Variants in FOXK1 observed in about 807,000 individuals in gnomAD.
The protein encoded by FOXK1 is forkhead box protein K1.
Under a neutral mutation model 51.9 loss-of-function variants are expected in FOXK1, and 19 were observed. The observed-to-expected ratio is 0.37, with a 90% CI of 0.26 to 0.54. The LOEUF (loss-of-function observed/expected upper bound fraction) is 0.54, where lower values mean the gene tolerates loss of function less well. Among genes scored for constraint, FOXK1 ranks in the 20% least tolerant of loss-of-function variants. FOXK1 has a pLI of 0.87. For synonymous variants in FOXK1, 537 were observed against 482.6 expected (o/e 1.11, Z -1.48); for missense variants, 870 against 1,032.7 (o/e 0.84, Z 2.16).
At position 4,715,204 on chromosome 7, in the gene FOXK1, G is replaced by A. The variant is rs1780219389; in HGVS notation, c.561-25634G>A. Among the ~76,000 whole-genome samples the A allele has an allele frequency of 6.6e-6, 1 of 152,108 alleles. No individual in the cohort carries two copies. Among genetic ancestry groups the A allele is most frequent in the Non-Finnish European group, 1.5e-5 (1 of 68,028 alleles). On this transcript the variant is annotated intron_variant, in intron 1 of 8. Transcript: ENST00000328914. This position sits in a 1 kb window ranked among gnomAD's most constrained non-coding sequence, Gnocchi z 4.5. ...GGGCACGGTGGAACTGTGGCGATACGGGGCACGGTGGAACTGTGATGATAT... is the reference window on the plus strand; with the variant it reads ...GGGCACGGTGGAACTGTGGCGATACAGGGCACGGTGGAACTGTGATGATAT...
At chr7:4,718,276 C>T (rs180739317) in intron 1 of FOXK1, among the ~76,000 whole-genome samples, 1 of 152,350 alleles carries the variant, frequency 6.6e-6, no homozygotes. Flanking sequence ...TCGGTCACCA[C>T]GCAGAGCCAT....
At chr7:4,725,080 G>A (rs1197267159) in intron 1 of FOXK1, among the ~76,000 whole-genome samples, 7 of 152,220 alleles carry the variant, frequency 4.6e-5, no homozygotes, top group Non-Finnish European at 8.8e-5. Flanking sequence ...CGGTGCACCC[G>A]CCACCCACAG....
rs1780854103 is a variant in FOXK1 at position 4,756,472 on chromosome 7, G to GT, written c.1051-519dup. 6.7e-6 allele frequency among the ~76,000 whole-genome samples: 1 copy of GT among 150,324 alleles called. No individual in the cohort carries two copies. The highest frequency in any genetic ancestry group is 6.6e-5 in the Admixed American group (1 of 15,078). ...CTCCTAGACCAGGATCTGTCTTTCT[G>GT]TTTCACTTTTTCTGTAAAGAATGGT... On this transcript the variant is annotated intron_variant, in intron 4 of 8. Transcript: ENST00000328914. This position sits in a 1 kb window ranked among gnomAD's most constrained non-coding sequence, Gnocchi z 4.1.
chr7:4,744,084 G>A lies in FOXK1; in HGVS notation c.746+3061G>A, dbSNP rs141448086. Reference sequence around the variant, plus strand: ...AGTAGAGATGGGGTTTCACCGTATTGAAAGAAAGAAAAATGTTTTGGTTTG... The same window carrying A: ...AGTAGAGATGGGGTTTCACCGTATTAAAAGAAAGAAAAATGTTTTGGTTTG... On this transcript the variant is annotated intron_variant, in intron 2 of 8. Coordinates refer to ENST00000328914, the MANE Select transcript of FOXK1 (RefSeq NM_001037165.2). Among the ~76,000 whole-genome samples, 219 of 152,076 alleles carry A rather than the reference G, an allele frequency of 1.4e-3. 1 individual carries two copies. The highest frequency in any genetic ancestry group is 5.2e-3 in the African/African-American group (216 of 41,462).
In FOXK1 at chr7:4,758,876, T is replaced by G; in HGVS notation, c.1245-175T>G. On this transcript the variant is annotated intron_variant, in intron 5 of 8. Coordinates refer to ENST00000328914, the MANE Select transcript of FOXK1 (RefSeq NM_001037165.2). This position sits in a 1 kb window ranked among gnomAD's most constrained non-coding sequence, Gnocchi z 4.4. ...CCATGCAGCCCCCACTCAAATGGAG[T>G]TTTAAAGGCTGGGTTCAGGTTACGG... 6.3e-6 allele frequency: 4 copies of G among 636,936 alleles called. No homozygotes were observed. The highest frequency in any genetic ancestry group is 5.9e-5 in the East Asian group (2 of 34,112). 39.5% of individuals were successfully genotyped at this position (636,936 alleles called of 1,614,324 possible).
rs1167021968 is a variant in FOXK1, at chr7:4,682,528, T to A, written c.220T>A (p.Ser74Thr). The change falls in exon 1 of 9, where the codon TCC becomes ACC. Residue 74 changes from serine (S) to threonine (T), a missense_variant. By Grantham distance (58) the Ser-to-Thr change is moderately conservative (BLOSUM62 1). Transcript: ENST00000328914. This position sits in a 1 kb window ranked among gnomAD's most constrained non-coding sequence, Gnocchi z 7.6. The part of the protein sequence containing the change: ...AIAGAGSSGG[S>T]SGVSGDSAVA... ...CGCGGGCGCGGGCTCCTCCGGGGGCTCCTCCGGGGTATCCGGGGACTCCGC... is the reference window on the plus strand; with the variant it reads ...CGCGGGCGCGGGCTCCTCCGGGGGCACCTCCGGGGTATCCGGGGACTCCGC... The A allele has an allele frequency of 9.0e-7, 1 of 1,112,306 alleles. No individual in the cohort carries two copies. Among genetic ancestry groups the A allele is most frequent in the East Asian group, 5.2e-5 (1 of 19,350 alleles). 68.9% of individuals were successfully genotyped at this position (1,112,306 alleles called of 1,614,324 possible). A position where few individuals can be genotyped will look rare whatever the true frequency, so the allele number is the denominator to read the frequency against.
At position 4,770,831 on chromosome 7, in the gene FOXK1, G is replaced by A. The variant is rs544732560; in HGVS notation, c.*8367G>A. 2 of 147,812 alleles carry A rather than the reference G, an allele frequency of 1.4e-5. No individual in the cohort carries two copies. The highest frequency in any genetic ancestry group is 1.4e-4 in the Admixed American group (2 of 14,792). 9.2% of individuals were successfully genotyped at this position (147,812 alleles called of 1,614,324 possible). A position where few individuals can be genotyped will look rare whatever the true frequency, so the allele number is the denominator to read the frequency against. ...TTTTAATCTGAACGATTATTCTCCT[G>A]TAAAAATAATTTGGGAGGGGCGGGT... On this transcript the variant is annotated 3_prime_UTR_variant, in exon 9 of 9. Coordinates refer to ENST00000328914, the MANE Select transcript of FOXK1 (RefSeq NM_001037165.2).
intron 1 of FOXK1, among the ~76,000 whole-genome samples, chr7:4,704,462 A>G (rs1780057129): frequency 6.6e-6 from 1 of 151,786 alleles, no homozygotes; most frequent in Non-Finnish European, 1.5e-5. Flanking sequence ...AAAAAAAAAA[A>G]AAAAAAGAAA....
At chr7:4,705,984 G>GTATATATATGTATA (rs1491183158) in intron 1 of FOXK1, among the ~76,000 whole-genome samples, 1 of 87,932 alleles carries the variant, frequency 1.1e-5, no homozygotes, top group Non-Finnish European at 2.0e-5. Flanking sequence ...GTATATATAC[G>GTATATATATGTATA]TATATATACG....
At chr7:4,757,301 C>T (rs1405462118) in intron 5 of FOXK1, 114 bp downstream of exon 5, 10 of 943,840 alleles carry the variant, frequency 1.1e-5, no homozygotes, top group African/African-American at 3.3e-5. Flanking sequence ...GCTCAGTGTA[C>T]GGGCATGCAA....
chr7:4,708,304 C>T (rs1447271943), intron 1 of FOXK1, among the ~76,000 whole-genome samples: 1 of 152,124 alleles, frequency 6.6e-6, no homozygotes, highest in Non-Finnish European at 1.5e-5. Context: ...GACCTAGTTG[C>T]CGCAGTGACC....
chr7:4,700,582 G>T (rs768893840), intron 1 of FOXK1, among the ~76,000 whole-genome samples: 1 of 152,148 alleles, frequency 6.6e-6, no homozygotes, highest in African/African-American at 2.4e-5. Context: ...TTGGGAGGCC[G>T]AGGTGGGAGG....
intron 1 of FOXK1, among the ~76,000 whole-genome samples, chr7:4,710,601 A>G (rs570674096): frequency 2.0e-5 from 3 of 152,224 alleles, no homozygotes; most frequent in Admixed American, 6.5e-5. Flanking sequence ...ATACATAATA[A>G]TGATAATAAA....
rs1486393051 is a variant in FOXK1, at chr7:4,743,298, A to T, written c.746+2275A>T. On this transcript the variant is annotated intron_variant, in intron 2 of 8. Coordinates refer to ENST00000328914, the MANE Select transcript of FOXK1 (RefSeq NM_001037165.2). The surrounding 1 kb of genome is among the most constrained non-coding windows in gnomAD (Gnocchi z 5.3). ...CCGGGCGCGGTGGCTCACACTGGTA[A>T]TGCCAGCACTGTGGGAGGCCAAGGC... 6.6e-6 allele frequency among the ~76,000 whole-genome samples: 1 copy of T among 152,240 alleles called. No individual in the cohort carries two copies. The highest frequency in any genetic ancestry group is 6.5e-5 in the Admixed American group (1 of 15,276).
At position 4,709,472 on chromosome 7, in the gene FOXK1, G is replaced by T. The variant is rs570857702; in HGVS notation, c.560+26604G>T. ...ACTCGATGTCTCCGAGCAGATCGAG[G>T]CTGGCCCACCCCTGCTGGCCCGCGA... On this transcript the variant is annotated intron_variant, in intron 1 of 8. Transcript: ENST00000328914. The surrounding 1 kb of genome is among the most constrained non-coding windows in gnomAD (Gnocchi z 5.6). Among the ~76,000 whole-genome samples the T allele has an allele frequency of 6.6e-6, 1 of 152,236 alleles. No individual in the cohort carries two copies. Among genetic ancestry groups the T allele is most frequent in the African/African-American group, 2.4e-5 (1 of 41,550 alleles).
intron 1 of FOXK1, among the ~76,000 whole-genome samples, chr7:4,701,583 C>T (rs1780021764): frequency 6.6e-6 from 1 of 152,152 alleles, no homozygotes; most frequent in Admixed American, 6.5e-5. Flanking sequence ...TAGCAAGATT[C>T]TGTCCCTGCA....
At chr7:4,754,164 C>T (rs1348115226) in intron 2 of FOXK1, among the ~76,000 whole-genome samples, 1 of 152,194 alleles carries the variant, frequency 6.6e-6, no homozygotes, top group African/African-American at 2.4e-5. Flanking sequence ...GGAGGGGCCC[C>T]ACAGAGCTGC....
chr7:4,705,537 C>G (rs1211122773), intron 1 of FOXK1, among the ~76,000 whole-genome samples: 2 of 147,770 alleles, frequency 1.4e-5, no homozygotes, highest in African/African-American at 5.2e-5. Context: ...CTCTCTCTCT[C>G]TCTCTCTCTC....
Position 4,734,361 on chromosome 7 carries a change from G to A in FOXK1, c.561-6477G>A, listed in dbSNP as rs1381661219. On this transcript the variant is annotated intron_variant, in intron 1 of 8. Transcript: ENST00000328914. The surrounding 1 kb of genome is among the most constrained non-coding windows in gnomAD (Gnocchi z 5.2). ...AAGATTTCCCGTTTCCCCTGGCTGT[G>A]GCTCTTGTGGTCCTGGCCTTGGTGG... 1.3e-5 allele frequency among the ~76,000 whole-genome samples: 2 copies of A among 152,206 alleles called. No homozygotes were observed. The highest frequency in any genetic ancestry group is 2.9e-5 in the Non-Finnish European group (2 of 68,030).
Sources: gnomAD v4.1 joint callset for allele counts (sites outside exome capture counted in the v4.1 genomes callset) on GRCh38, gnomAD v4.1.1 for gene constraint, Gnocchi (gnomAD v3.1) non-coding constraint, MANE v1.5 for transcripts, NCBI Gene and HGNC (gene_info 2026-07-23, HGNC 2026-07-21) for gene names.